AZIN2: variants seen among roughly 807,000 people sequenced by gnomAD.
The protein encoded by AZIN2 is antizyme inhibitor 2, also known as ODC antizyme inhibitor-2.
A neutral mutation model predicts 47.8 loss-of-function variants in AZIN2; 28 were observed. The ratio of observed to expected loss-of-function variants is 0.59; its 90% CI spans 0.43 to 0.80. The LOEUF is 0.80. Among genes scored for constraint, AZIN2 ranks in the 30% least tolerant of loss-of-function variants. The pLI, the probability that AZIN2 is intolerant of heterozygous loss-of-function variation, is 0.00. For synonymous variants in AZIN2, 221 were observed against 239.4 expected (o/e 0.92, Z 0.71); for missense variants, 535 against 582.5 (o/e 0.92, Z 0.84).
At chr1:33,157,754 T>C in the AZIN2 span, among the ~76,000 whole-genome samples, 1 of 152,014 alleles carries the variant, frequency 6.6e-6, no homozygotes, top group Non-Finnish European at 1.5e-5. Context: ...TCATGTTTTT[T>C]TTTTTTCTTC....
At chr1:33,157,379 C>T in the AZIN2 span, among the ~76,000 whole-genome samples, 2 of 152,166 alleles carry the variant, frequency 1.3e-5, no homozygotes, top group African/African-American at 2.4e-5. Flanking sequence ...CAGATACCTA[C>T]GTGGCTCACT....
the AZIN2 span, among the ~76,000 whole-genome samples, chr1:33,133,860 T>A: frequency 6.6e-6 from 1 of 152,220 alleles, no homozygotes; most frequent in African/African-American, 2.4e-5. Flanking sequence ...CCCTAGTGTT[T>A]GGCACTTAGA....
chr1:33,129,955 G>C, the AZIN2 span, among the ~76,000 whole-genome samples: 1 of 152,114 alleles, frequency 6.6e-6, no homozygotes, highest in Non-Finnish European at 1.5e-5. The surrounding 1 kb of genome is among the most constrained non-coding windows in gnomAD (Gnocchi z 4.1). Context: ...TGCCTCCCGG[G>C]TTCAAGCGAT....
At chr1:33,098,737 C>T (rs764586037) in intron 10 of AZIN2, among the ~76,000 whole-genome samples, 5 of 151,992 alleles carry the variant, frequency 3.3e-5, no homozygotes, top group Non-Finnish European at 5.9e-5. Flanking sequence ...TTTTATCTTC[C>T]CCTCTCCATT....
the AZIN2 span, among the ~76,000 whole-genome samples, chr1:33,157,735 G>GAACCT: frequency 1.3e-5 from 2 of 151,838 alleles, no homozygotes; most frequent in Admixed American, 1.3e-4. Context: ...TTTGCTAATG[G>GAACCT]AACCTATCTC....
At chr1:33,086,781 C>A (rs1002106768) in intron 5 of AZIN2, among the ~76,000 whole-genome samples, 1 of 152,226 alleles carries the variant, frequency 6.6e-6, no homozygotes, top group Admixed American at 6.5e-5. Flanking sequence ...TCTTAAAAAG[C>A]CTTTGCTGGG....
At chr1:33,116,431 T>C (rs1043657998) in intron 10 of AZIN2, among the ~76,000 whole-genome samples, 10 of 152,248 alleles carry the variant, frequency 6.6e-5, no homozygotes, top group African/African-American at 2.4e-4. Context: ...TCTTCTCTGT[T>C]GCTTCCATCT....
chr1:33,137,663 C>G, the AZIN2 span, among the ~76,000 whole-genome samples: 1 of 152,138 alleles, frequency 6.6e-6, no homozygotes, highest in African/African-American at 2.4e-5. Flanking sequence ...ATTCCTTGGG[C>G]AGAGTATGGG....
Position 33,083,763 on chromosome 1 carries a change from C to T in AZIN2, c.106-191C>T, listed in dbSNP as rs1641552297. On this transcript the variant is annotated intron_variant, in intron 4 of 11. Coordinates refer to ENST00000294517, the MANE Select transcript of AZIN2 (RefSeq NM_052998.4). ...TTGAGGGGAGGGATTGGGGCTAGATCAGAGCCTTGAATGCCAGGCTGAGGA... is the reference window on the plus strand; with the variant it reads ...TTGAGGGGAGGGATTGGGGCTAGATTAGAGCCTTGAATGCCAGGCTGAGGA... 4.7e-6 allele frequency: 3 copies of T among 641,238 alleles called. No homozygotes were observed. The South Asian group carries it at 5.4e-5, about 11-fold the overall frequency. The allele number at this position is 641,238 out of a possible 1,614,324, so 39.7% of individuals were successfully genotyped here.
intron 6 of AZIN2, among the ~76,000 whole-genome samples, chr1:33,092,753 G>A (rs1437081075): frequency 6.6e-6 from 1 of 152,184 alleles, no homozygotes; most frequent in East Asian, 1.9e-4. Flanking sequence ...AGGAGATCCT[G>A]GTCGGGGGCG....
intron 5 of AZIN2, among the ~76,000 whole-genome samples, chr1:33,084,789 AG>A (rs1260678761): frequency 2.0e-5 from 3 of 152,092 alleles, no homozygotes; most frequent in African/African-American, 7.2e-5. Flanking sequence ...CAGTAGAGAC[AG>A]GATTTCAGCA....
chr1:33,093,731 C>CT (rs776963959), intron 7 of AZIN2, among the ~76,000 whole-genome samples: 10,384 of 134,630 alleles, frequency 0.077, 940 homozygotes, highest in African/African-American at 0.21. Context: ...TTCTTTCTTT[C>CT]TTTTTTTTTT....
intron 5 of AZIN2, 61 bp downstream of exon 5, chr1:33,084,188 G>T: frequency 6.3e-7 from 1 of 1,588,464 alleles, no homozygotes; most frequent in Non-Finnish European, 8.5e-7. Context: ...ACATGGCCAG[G>T]CTAGTCCAGG....
downstream of AZIN2, among the ~76,000 whole-genome samples, chr1:33,128,077 ATT>A (rs1468497130): frequency 3.3e-5 from 5 of 151,858 alleles, no homozygotes; most frequent in Admixed American, 1.3e-4. Context: ...AATTTAACAT[ATT>A]TAGGTTGGGC....
At position 33,094,592 on chromosome 1, in the gene AZIN2, A is replaced by G; in HGVS notation, c.632A>G (p.Gln211Arg). The G allele has an allele frequency of 6.2e-7, 1 of 1,614,150 alleles. No individual in the cohort carries two copies. Among genetic ancestry groups the G allele is most frequent in the Non-Finnish European group, 8.5e-7 (1 of 1,180,012 alleles). ...SGCPDPQAYA[Q>R]SIADARLVFE... is the part of the protein sequence containing the mutation. The stretch of plus-strand genomic sequence containing the variant: ...TGTCCTGACCCTCAGGCCTATGCTC[A>G]GTCCATCGCAGACGCCCGGCTCGTG... The change falls in exon 8 of 12, where the codon CAG (glutamine) becomes CGG (arginine). Residue 211 changes from glutamine to arginine, a missense_variant. Coordinates refer to ENST00000294517, the MANE Select transcript of AZIN2 (RefSeq NM_052998.4).
the AZIN2 span, among the ~76,000 whole-genome samples, chr1:33,148,525 G>T: frequency 6.6e-6 from 1 of 152,162 alleles, no homozygotes; most frequent in African/African-American, 2.4e-5. Flanking sequence ...AGGCAGGATG[G>T]TGTTTTACCT....
At chr1:33,085,753 C>T (rs1213031973) in intron 5 of AZIN2, among the ~76,000 whole-genome samples, 1 of 152,106 alleles carries the variant, frequency 6.6e-6, no homozygotes, top group Non-Finnish European at 1.5e-5. Context: ...TATCTTTGGG[C>T]TAGTTCATGC....
the AZIN2 span, among the ~76,000 whole-genome samples, chr1:33,133,061 G>A: frequency 6.6e-6 from 1 of 152,240 alleles, no homozygotes; most frequent in Non-Finnish European, 1.5e-5. Flanking sequence ...CCCTGCGGAG[G>A]CCCCATCAGG....
Position 33,098,073 on chromosome 1 carries a change from A to G in AZIN2, c.923A>G (p.Asn308Ser). Residue 308 changes from asparagine (N) to serine (S), a missense_variant, in exon 10 of 12, where the codon AAT becomes AGT. Physicochemically the swap from Asn to Ser is conservative, Grantham distance 46. Around this residue, in one of 3 missense-constraint regions of AZIN2, gnomAD observed 409 missense variants for 429.0 expected, o/e 0.95. Coordinates refer to ENST00000294517, the MANE Select transcript of AZIN2 (RefSeq NM_052998.4). ...GAACCCTCCCCTCCTGCAGAGGAAAATGGTTCCACCTCCAAGACCATCGTG... is the reference window on the plus strand; with the variant it reads ...GAACCCTCCCCTCCTGCAGAGGAAAGTGGTTCCACCTCCAAGACCATCGTG... The part of the protein sequence containing the change: ...LLDQPGREEE[N>S]GSTSKTIVYH... The G allele has an allele frequency of 6.2e-7, 1 of 1,612,666 alleles. No homozygotes were observed. Among genetic ancestry groups the G allele is most frequent in the Non-Finnish European group, 8.5e-7 (1 of 1,178,722 alleles).
Sources: allele counts gnomAD v4.1 joint callset (sites outside exome capture counted in the v4.1 genomes callset), GRCh38; gene constraint gnomAD v4.1.1; regional missense constraint gnomAD v4.1.1; non-coding constraint Gnocchi (gnomAD v3.1); transcripts MANE v1.5; gene names NCBI Gene and HGNC (gene_info 2026-07-23, HGNC 2026-07-21).